Variants in ADGRL3 observed in about 807,000 individuals in gnomAD.
ADGRL3 encodes calcium-independent alpha-latrotoxin receptor 3.
A neutral mutation model predicts 153.5 loss-of-function variants in ADGRL3; 62 were observed. That is an observed-to-expected ratio of 0.40 (90% CI 0.33 to 0.50). The LOEUF is 0.50. Ranked by LOEUF, ADGRL3 falls within the 20% of genes least tolerant of loss-of-function variation. The probability of loss-of-function intolerance (pLI) is 0.47; values close to 1 mark genes in which losing one functional copy is unlikely to be tolerated. For synonymous variants in ADGRL3, 710 were observed against 672.5 expected (o/e 1.06, Z -0.86); for missense variants, 1,641 against 1,859.4 (o/e 0.88, Z 2.16).
At chr4:61,891,865 G>C (rs2098589262) in intron 9 of ADGRL3, among the ~76,000 whole-genome samples, 1 of 152,210 alleles carries the variant, frequency 6.6e-6, no homozygotes, top group African/African-American at 2.4e-5. Context: ...ATTCTTTGCA[G>C]TGGTTAATTC....
chr4:61,875,846 T>C (rs1376588974), intron 9 of ADGRL3, among the ~76,000 whole-genome samples: 1 of 152,210 alleles, frequency 6.6e-6, no homozygotes, highest in African/African-American at 2.4e-5. Context: ...AGATTGAAAG[T>C]GTACTTTGCA....
intron 8 of ADGRL3, among the ~76,000 whole-genome samples, chr4:61,761,526 G>T (rs1268404454): frequency 6.6e-6 from 1 of 152,094 alleles, no homozygotes; most frequent in South Asian, 2.1e-4. Context: ...GGCATGGGTG[G>T]CTCATGCCCT....
chr4:62,025,544 G>A (rs912801517), intron 21 of ADGRL3, among the ~76,000 whole-genome samples: 1 of 152,034 alleles, frequency 6.6e-6, no homozygotes, highest in African/African-American at 2.4e-5. Flanking sequence ...GTTACTGCTG[G>A]CTCCTTTTCG....
chr4:61,723,721 G>A (rs114889603), intron 6 of ADGRL3, among the ~76,000 whole-genome samples: 1 of 152,120 alleles, frequency 6.6e-6, no homozygotes, highest in Non-Finnish European at 1.5e-5. Flanking sequence ...GAACCGCCAT[G>A]TTGGGTGGAT....
chr4:61,281,190 T>C (rs1487293025), intron 1 of ADGRL3, among the ~76,000 whole-genome samples: 1 of 50,410 alleles, frequency 2.0e-5, no homozygotes, highest in Non-Finnish European at 4.7e-5. Context: ...AGGTAATAGT[T>C]TTTTTTTAAG....
intron 2 of ADGRL3, among the ~76,000 whole-genome samples, chr4:61,395,181 TAA>T (rs1279713897): frequency 1.3e-5 from 2 of 151,954 alleles, no homozygotes; most frequent in African/African-American, 4.8e-5. Flanking sequence ...GTTGAAAATA[TAA>T]GTGTGGTATT....
At chr4:61,450,675 AAC>A (rs2097662912) in intron 2 of ADGRL3, among the ~76,000 whole-genome samples, 2 of 152,148 alleles carry the variant, frequency 1.3e-5, no homozygotes, top group African/African-American at 4.8e-5. Context: ...ATTAATGAAA[AAC>A]ACAGATCCCA....
intron 4 of ADGRL3, among the ~76,000 whole-genome samples, chr4:61,524,673 G>A (rs1315998648): frequency 1.3e-5 from 2 of 151,958 alleles, no homozygotes; most frequent in South Asian, 2.1e-4. Context: ...ATATAAAAAT[G>A]CATATATTGT....
intron 21 of ADGRL3, among the ~76,000 whole-genome samples, chr4:62,025,727 C>T (rs2151437903): frequency 6.6e-6 from 1 of 152,234 alleles, no homozygotes; most frequent in South Asian, 2.1e-4. Flanking sequence ...ATAAGGTAAA[C>T]CTATAAGTTC....
chr4:61,847,232 G>T (rs995230363), intron 9 of ADGRL3, among the ~76,000 whole-genome samples: 2 of 151,760 alleles, frequency 1.3e-5, no homozygotes, highest in Non-Finnish European at 2.9e-5. Flanking sequence ...TTATATTTTT[G>T]TACGTATTCA....
At chr4:61,261,361 G>T (rs552211792) in intron 1 of ADGRL3, among the ~76,000 whole-genome samples, 443 of 152,004 alleles carry the variant, frequency 2.9e-3, no homozygotes, top group Non-Finnish European at 4.4e-3. Context: ...ATTTCTAGAT[G>T]ACTTATGCTA....
At chr4:61,403,021 G>T (rs144345132) in intron 2 of ADGRL3, among the ~76,000 whole-genome samples, 1 of 144,902 alleles carries the variant, frequency 6.9e-6, no homozygotes, top group Non-Finnish European at 1.5e-5. Context: ...GTACATGGCT[G>T]CCTTCTCACT....
intron 8 of ADGRL3, chr4:61,775,860 T>C: frequency 2.1e-6 from 1 of 478,610 alleles, no homozygotes; most frequent in African/African-American, 2.0e-5. Context: ...TGGCGGTGGG[T>C]TACCGGTGAA....
intron 1 of ADGRL3, among the ~76,000 whole-genome samples, chr4:61,255,785 T>A (rs2149493106): frequency 6.6e-6 from 1 of 152,314 alleles, no homozygotes; most frequent in South Asian, 2.1e-4. Context: ...TCATTTGAAA[T>A]AGCTCACGGT....
intron 1 of ADGRL3, among the ~76,000 whole-genome samples, chr4:61,355,445 G>A (rs1327711427): frequency 2.0e-5 from 3 of 151,906 alleles, no homozygotes; most frequent in African/African-American, 7.3e-5. Flanking sequence ...GGAGATAGTT[G>A]ACTCCTACTA....
intron 8 of ADGRL3, among the ~76,000 whole-genome samples, chr4:61,737,924 T>A (rs2096538312): frequency 6.6e-6 from 1 of 152,138 alleles, no homozygotes; most frequent in Non-Finnish European, 1.5e-5. Context: ...TTCCATTTTT[T>A]CTTTTTTTTT....
chr4:61,471,818 A>T (rs2097958797), intron 2 of ADGRL3, among the ~76,000 whole-genome samples: 1 of 152,032 alleles, frequency 6.6e-6, no homozygotes, highest in African/African-American at 2.4e-5. Flanking sequence ...GTTTTTCTTA[A>T]TTGTAAACAT....
chr4:61,241,057 A>T (rs1220100882), intron 1 of ADGRL3, among the ~76,000 whole-genome samples: 1 of 151,990 alleles, frequency 6.6e-6, no homozygotes, highest in African/African-American at 2.4e-5. Context: ...AGATGAAAAA[A>T]CTGTGTGTAT....
intron 1 of ADGRL3, among the ~76,000 whole-genome samples, chr4:61,319,753 C>A (rs66647264): frequency 2.0e-5 from 3 of 152,046 alleles, no homozygotes; most frequent in African/African-American, 7.2e-5. Flanking sequence ...TTAATTAATT[C>A]TATTTTAATG....
Sources: allele counts gnomAD v4.1 joint callset (sites outside exome capture counted in the v4.1 genomes callset), GRCh38; gene constraint gnomAD v4.1.1; transcripts MANE v1.5; gene names NCBI Gene and HGNC (gene_info 2026-07-23, HGNC 2026-07-21).